Variants in DSCAML1 observed in about 807,000 individuals in gnomAD.
The protein encoded by DSCAML1 is cell adhesion molecule DSCAML1.
Under a neutral mutation model 200.5 loss-of-function variants are expected in DSCAML1, and 38 were observed. That is an observed-to-expected ratio of 0.19 (90% CI 0.15 to 0.25). DSCAML1 has a LOEUF of 0.25. Among genes scored for constraint, DSCAML1 ranks in the 10% least tolerant of loss-of-function variants. The pLI is 1.00. For synonymous variants in DSCAML1, 1,215 were observed against 1,165.0 expected, an observed-to-expected ratio of 1.04 and a Z score of -0.87; for missense variants, 2,223 against 2,858.8, an observed-to-expected ratio of 0.78 and a Z score of 5.07.
chr11:117,672,129 A>C (rs2053124304), intron 3 of DSCAML1, among the ~76,000 whole-genome samples: 1 of 149,160 alleles, frequency 6.7e-6, no homozygotes, highest in Admixed American at 6.7e-5. Flanking sequence ...AAAAAGAAGA[A>C]ACCTTGGGCC....
chr11:117,808,029 C>T (rs767933990), intron 1 of DSCAML1, among the ~76,000 whole-genome samples: 1 of 152,182 alleles, frequency 6.6e-6, no homozygotes, highest in Non-Finnish European at 1.5e-5. Flanking sequence ...ACTTTGTAGG[C>T]CAGGCTGGTC....
At chr11:117,458,680 G>T in intron 19 of DSCAML1, 74 bp downstream of exon 19, 1 of 1,561,702 alleles carries the variant, frequency 6.4e-7, no homozygotes. Flanking sequence ...CTCTCACCCT[G>T]CCTCCTGGGG....
At chr11:117,792,029 T>A (rs1374311262) in intron 1 of DSCAML1, among the ~76,000 whole-genome samples, 2 of 152,232 alleles carry the variant, frequency 1.3e-5, no homozygotes, top group African/African-American at 4.8e-5. Context: ...TCCAAATTTC[T>A]ACCACACCAG....
chr11:117,632,392 C>T (rs944436195), intron 3 of DSCAML1, among the ~76,000 whole-genome samples: 2 of 152,172 alleles, frequency 1.3e-5, no homozygotes, highest in African/African-American at 4.8e-5. Flanking sequence ...GCTCAGCTTT[C>T]CCCTAAGCCT....
chr11:117,470,398 A>G (rs2048662113), intron 15 of DSCAML1, among the ~76,000 whole-genome samples: 2 of 151,958 alleles, frequency 1.3e-5, no homozygotes, highest in Admixed American at 1.3e-4. Context: ...ACAGGGTGAA[A>G]CCCTGTCTCT....
intron 3 of DSCAML1, among the ~76,000 whole-genome samples, chr11:117,758,266 C>T (rs2054732706): frequency 6.7e-6 from 1 of 149,970 alleles, no homozygotes; most frequent in East Asian, 2.0e-4. Flanking sequence ...CGCCACTGCA[C>T]TCCAGCCTGG....
At chr11:117,708,229 C>T (rs1753079591) in intron 3 of DSCAML1, among the ~76,000 whole-genome samples, 2 of 152,142 alleles carry the variant, frequency 1.3e-5, no homozygotes, top group African/African-American at 2.4e-5. Context: ...CCCTGCCATC[C>T]GAAGCTACAG....
In DSCAML1 at chr11:117,811,053, G is replaced by C. The variant is rs372979033; in HGVS notation, c.-250+6337C>G. Among the ~76,000 whole-genome samples, 12 of 151,718 alleles carry C rather than the reference G, an allele frequency of 7.9e-5. No homozygotes were observed. In the South Asian group the frequency reaches 2.3e-3, roughly 29 times the overall value. On this transcript the variant is annotated intron_variant, in intron 1 of 2. Coordinates refer to the DSCAML1 transcript ENST00000525836. ...TTTATCGCCTCTCCTCCTCACACCCGGTCTGACTTACAGTTTCGTTCTGTG... is the reference window on the plus strand; with the variant it reads ...TTTATCGCCTCTCCTCCTCACACCCCGTCTGACTTACAGTTTCGTTCTGTG...
At chr11:117,770,700 G>A (rs1591492232) in intron 3 of DSCAML1, among the ~76,000 whole-genome samples, 1 of 151,864 alleles carries the variant, frequency 6.6e-6, no homozygotes, top group Admixed American at 6.6e-5. Context: ...GACAAAGTAC[G>A]ATTAGCGTCT....
intron 3 of DSCAML1, among the ~76,000 whole-genome samples, chr11:117,569,545 G>A (rs2050811466): frequency 6.6e-6 from 1 of 152,142 alleles, no homozygotes; most frequent in African/African-American, 2.4e-5. Flanking sequence ...TGGGGTTAGA[G>A]GCATGAGCCA....
intron 11 of DSCAML1, among the ~76,000 whole-genome samples, chr11:117,496,783 G>A (rs2049296675): frequency 6.6e-6 from 1 of 152,216 alleles, no homozygotes; most frequent in South Asian, 2.1e-4. Flanking sequence ...GGAACCGGAG[G>A]ATGCATGGGC....
At chr11:117,670,754 G>A (rs555124225) in intron 3 of DSCAML1, among the ~76,000 whole-genome samples, 18 of 152,230 alleles carry the variant, frequency 1.2e-4, no homozygotes, top group South Asian at 8.3e-4. Flanking sequence ...ATTGTAGTCC[G>A]GTTTCTATAC....
chr11:117,474,899 C>A (rs1279344455), intron 14 of DSCAML1, among the ~76,000 whole-genome samples: 2 of 152,142 alleles, frequency 1.3e-5, no homozygotes, highest in East Asian at 1.9e-4. Flanking sequence ...GGACTACAGG[C>A]GCATGCCACC....
At chr11:117,575,384 G>A in intron 3 of DSCAML1, among the ~76,000 whole-genome samples, 1 of 152,130 alleles carries the variant, frequency 6.6e-6, no homozygotes, top group East Asian at 1.9e-4. Context: ...GGCTTACAGG[G>A]GACCTGATAA....
At chr11:117,478,338 T>C (rs1473666482) in intron 14 of DSCAML1, among the ~76,000 whole-genome samples, 1 of 152,164 alleles carries the variant, frequency 6.6e-6, no homozygotes, top group Non-Finnish European at 1.5e-5. Context: ...TGCAGTGCCA[T>C]GAGGGATGTC....
intron 3 of DSCAML1, among the ~76,000 whole-genome samples, chr11:117,595,059 T>TACACAC (rs374932790): frequency 0.023 from 3,267 of 143,876 alleles, 130 homozygotes; most frequent in African/African-American, 0.078. Context: ...GTCTTTCTCT[T>TACACAC]ACACACACAC....
intron 3 of DSCAML1, among the ~76,000 whole-genome samples, chr11:117,644,625 A>G (rs1048818795): frequency 6.6e-6 from 1 of 152,198 alleles, no homozygotes; most frequent in African/African-American, 2.4e-5. Flanking sequence ...TACGTTCAAG[A>G]GCCTATTTGT....
intron 3 of DSCAML1, among the ~76,000 whole-genome samples, chr11:117,644,840 G>A (rs888738377): frequency 5.3e-5 from 8 of 152,216 alleles, no homozygotes; most frequent in Non-Finnish European, 4.4e-5. Context: ...AGGGATCTCA[G>A]CAGGGCTGGC....
intron 3 of DSCAML1, among the ~76,000 whole-genome samples, chr11:117,631,205 C>T (rs975087857): frequency 4.6e-5 from 7 of 152,190 alleles, no homozygotes; most frequent in Admixed American, 4.6e-4. Flanking sequence ...GGGGGAGCCC[C>T]AAATCTGAGC....
Sources: allele counts gnomAD v4.1 joint callset (sites outside exome capture counted in the v4.1 genomes callset), GRCh38; gene constraint gnomAD v4.1.1; transcripts MANE v1.5; gene names NCBI Gene and HGNC (gene_info 2026-07-23, HGNC 2026-07-21).